The following PLXDC2 variants were observed in gnomAD, a reference collection of about 807,000 sequenced individuals.
The protein encoded by PLXDC2 is plexin domain-containing protein 2.
A neutral mutation model predicts 68.9 loss-of-function variants in PLXDC2; 40 were observed. The observed-to-expected ratio is 0.58, with a 90% CI of 0.45 to 0.76. The LOEUF (loss-of-function observed/expected upper bound fraction) is 0.76. Among genes scored for constraint, PLXDC2 ranks in the 30% least tolerant of loss-of-function variants. The pLI is 0.00. For synonymous variants in PLXDC2, 243 were observed against 234.2 expected (o/e 1.04, Z -0.34); for missense variants, 644 against 661.9 (o/e 0.97, Z 0.30).
chr10:20,099,127 T>C (rs1222900089), intron 4 of PLXDC2, among the ~76,000 whole-genome samples: 1 of 152,150 alleles, frequency 6.6e-6, no homozygotes, highest in Non-Finnish European at 1.5e-5. Flanking sequence ...AACCCATGTA[T>C]GTTTAACGCA....
intron 4 of PLXDC2, among the ~76,000 whole-genome samples, chr10:20,071,423 C>T (rs1006093240): frequency 2.0e-5 from 3 of 152,076 alleles, no homozygotes; most frequent in Non-Finnish European, 4.4e-5. Context: ...GTGGGAGGGA[C>T]CACGTGGGAG....
At chr10:20,160,399 C>T (rs573840619) in intron 6 of PLXDC2, among the ~76,000 whole-genome samples, 1 of 152,274 alleles carries the variant, frequency 6.6e-6, no homozygotes, top group South Asian at 2.1e-4. Context: ...TTCTACCTAA[C>T]TTCTACTCTC....
At chr10:20,068,715 T>C (rs1014310647) in intron 4 of PLXDC2, among the ~76,000 whole-genome samples, 12 of 150,966 alleles carry the variant, frequency 7.9e-5, no homozygotes, top group African/African-American at 2.9e-4. Context: ...ATCATTTTTT[T>C]TCCTTGAGTG....
chr10:20,111,521 A>G (rs1171865733), intron 4 of PLXDC2, among the ~76,000 whole-genome samples: 1 of 152,210 alleles, frequency 6.6e-6, no homozygotes, highest in African/African-American at 2.4e-5. Flanking sequence ...TACATATACT[A>G]ACATTTGGTT....
At chr10:20,200,805 G>A (rs1447230727) in intron 9 of PLXDC2, among the ~76,000 whole-genome samples, 1 of 152,006 alleles carries the variant, frequency 6.6e-6, no homozygotes, top group Admixed American at 6.6e-5. Flanking sequence ...TCAAGGAAAT[G>A]CAAATCAAAA....
At chr10:19,840,553 A>G (rs934882947) in intron 1 of PLXDC2, among the ~76,000 whole-genome samples, 6 of 152,202 alleles carry the variant, frequency 3.9e-5, no homozygotes, top group African/African-American at 1.4e-4. Context: ...GACAGAGTAC[A>G]TTGAATAGTA....
intron 1 of PLXDC2, among the ~76,000 whole-genome samples, chr10:19,887,824 A>T (rs181086049): frequency 6.6e-6 from 1 of 152,330 alleles, no homozygotes; most frequent in Admixed American, 6.5e-5. Context: ...AGTAAAATAG[A>T]TTTTTTCTAG....
In PLXDC2 at chr10:20,288,685, A is replaced by C. The variant is rs1429622150; in HGVS notation, c.*8866A>C. On this transcript the variant is annotated 3_prime_UTR_variant, in exon 14 of 14. Coordinates refer to ENST00000377252, the MANE Select transcript of PLXDC2 (RefSeq NM_032812.9). ...TTTACCTGGGGATTATTACAATTGC[A>C]ATAAGTCATTAATGTTTTCTTCACA... The C allele has an allele frequency of 6.6e-6, 1 of 152,202 alleles. No homozygotes were observed. The highest frequency in any genetic ancestry group is 2.4e-5 in the African/African-American group (1 of 41,442). 9.4% of individuals were successfully genotyped at this position (152,202 alleles called of 1,614,324 possible).
intron 1 of PLXDC2, among the ~76,000 whole-genome samples, chr10:19,889,335 C>T (rs752856861): frequency 5.9e-5 from 9 of 151,930 alleles, no homozygotes; most frequent in South Asian, 2.1e-4. Flanking sequence ...CTCTTGGGAC[C>T]GTGAATTAAC....
intron 1 of PLXDC2, among the ~76,000 whole-genome samples, chr10:19,820,261 TTAA>T (rs1434631497): frequency 2.0e-5 from 3 of 152,212 alleles, no homozygotes; most frequent in African/African-American, 7.2e-5. Flanking sequence ...TGAATAAAAC[TTAA>T]TAATGAAAGA....
chr10:19,940,704 C>T (rs1156388506), intron 1 of PLXDC2, among the ~76,000 whole-genome samples: 2 of 152,042 alleles, frequency 1.3e-5, no homozygotes, highest in African/African-American at 4.8e-5. Flanking sequence ...GAATTTGAGA[C>T]ATTTTGGTAC....
intron 13 of PLXDC2, among the ~76,000 whole-genome samples, chr10:20,258,645 T>A (rs764602904): frequency 6.6e-6 from 1 of 152,148 alleles, no homozygotes; most frequent in Non-Finnish European, 1.5e-5. Flanking sequence ...GAATCCCCTA[T>A]GTATTCATAA....
chr10:20,039,779 G>T (rs1381155297), intron 2 of PLXDC2, among the ~76,000 whole-genome samples: 1 of 152,146 alleles, frequency 6.6e-6, no homozygotes, highest in Non-Finnish European at 1.5e-5. Flanking sequence ...AGAGGGAGGA[G>T]AATCCTAAAT....
intron 2 of PLXDC2, among the ~76,000 whole-genome samples, chr10:20,035,924 T>C (rs2131671800): frequency 6.6e-6 from 1 of 152,218 alleles, no homozygotes; most frequent in South Asian, 2.1e-4. Flanking sequence ...TCTTTTAAAA[T>C]TATACATAGA....
chr10:19,837,399 AGAGAGAGAGAGTGTGTGTGT>A lies in PLXDC2; in HGVS notation c.112+20210_112+20229del, dbSNP rs1389882710. Among the ~76,000 whole-genome samples the A allele has an allele frequency of 2.7e-3, 291 of 107,888 alleles. 1 individual carries two copies. The highest frequency in any genetic ancestry group is 7.0e-3 in the South Asian group (25 of 3,564). 70.8% of individuals were successfully genotyped at this position (107,888 alleles called of 152,430 possible). Reference sequence around the variant, plus strand: ...CATTGAGTAAGTGAGAGAGAGAGAGAGAGAGAGAGAGTGTGTGTGTGTGTGTGTGTGTGTGTGTGTGTGTG... The same window carrying A: ...CATTGAGTAAGTGAGAGAGAGAGAGAGTGTGTGTGTGTGTGTGTGTGTGTG... On this transcript the variant is annotated intron_variant, in intron 1 of 13. Coordinates refer to ENST00000377252, the MANE Select transcript of PLXDC2 (RefSeq NM_032812.9).
At chr10:20,131,975 C>A (rs534518474) in intron 4 of PLXDC2, among the ~76,000 whole-genome samples, 39 of 151,946 alleles carry the variant, frequency 2.6e-4, no homozygotes, top group Non-Finnish European at 3.2e-4. Flanking sequence ...TTCATGTAGG[C>A]ATTTATTGCT....
chr10:19,874,090 C>T (rs1005242365), intron 1 of PLXDC2, among the ~76,000 whole-genome samples: 3 of 152,168 alleles, frequency 2.0e-5, no homozygotes, highest in African/African-American at 7.2e-5. Context: ...TAACCCAATA[C>T]ACAGTTTTCT....
intron 1 of PLXDC2, among the ~76,000 whole-genome samples, chr10:19,903,233 T>G (rs760475889): frequency 1.1e-4 from 16 of 152,102 alleles, no homozygotes; most frequent in Non-Finnish European, 2.1e-4. Context: ...TCCTGTGGAA[T>G]AGTGTCAATA....
At chr10:20,224,171 G>A (rs55766764) in intron 12 of PLXDC2, among the ~76,000 whole-genome samples, 26,648 of 151,562 alleles carry the variant, frequency 0.18, 2,996 homozygotes, top group Non-Finnish European at 0.25. Context: ...ATGGGATTAC[G>A]CCATGTTGGC....
Sources: allele counts gnomAD v4.1 joint callset (sites outside exome capture counted in the v4.1 genomes callset), GRCh38; gene constraint gnomAD v4.1.1; transcripts MANE v1.5; gene names NCBI Gene and HGNC (gene_info 2026-07-23, HGNC 2026-07-21).